FTCD: variants seen among roughly 807,000 people sequenced by gnomAD.
The protein encoded by FTCD is formimidoyltransferase-cyclodeaminase.
A neutral mutation model predicts 62.9 loss-of-function variants in FTCD; 76 were observed. The ratio of observed to expected loss-of-function variants is 1.21; its 90% confidence interval spans 1.00 to 1.46. The LOEUF is 1.46. Ranked by LOEUF, FTCD falls within the 40% of genes most tolerant of loss-of-function variation. The pLI is 0.00. For missense variants in FTCD, 845 were observed against 751.3 expected (o/e 1.12, Z -1.46); for synonymous variants, 397 against 336.9 (o/e 1.18, Z -1.95).
In FTCD at chr21:46,138,657, C is replaced by T. The variant is rs761525982; in HGVS notation, c.1305-11G>A. 1.9e-6 allele frequency: 3 copies of T among 1,596,202 alleles called. No homozygotes were observed. The highest frequency in any genetic ancestry group is 2.5e-6 in the Non-Finnish European group (3 of 1,178,066). ...AGGGCCGCCGTGCGCCTGAAAGGAG[C>T]AAGAGGAGAGCCTGAGCACAGCGGC... On this transcript the variant is annotated splice_polypyrimidine_tract_variant and intron_variant, in intron 11 of 13. Transcript: ENST00000397746.
intron 3 of FTCD, chr21:46,152,211 C>T (rs767098800): frequency 6.7e-5 from 35 of 522,036 alleles, no homozygotes; most frequent in Admixed American, 3.9e-4. Flanking sequence ...CCTGAAAAGG[C>T]GAATTGCAGG....
intron 3 of FTCD, 199 bp from the exon 4 acceptor site, chr21:46,152,179 G>C (rs2079305751): frequency 1.8e-6 from 1 of 548,986 alleles, no homozygotes; most frequent in African/African-American, 1.9e-5. Flanking sequence ...CAGCACCCCT[G>C]CCCACCCCCT....
intron 13 of FTCD, 35 bp from the exon 14 acceptor site, chr21:46,137,108 C>T (rs749904343): frequency 6.2e-7 from 1 of 1,613,260 alleles, no homozygotes; most frequent in Non-Finnish European, 8.5e-7. Context: ...TCTGGTAGTT[C>T]CAGTCTTCAG....
chr21:46,153,680 G>A (rs370224732), intron 2 of FTCD, among the ~76,000 whole-genome samples: 39 of 152,224 alleles, frequency 2.6e-4, no homozygotes, highest in African/African-American at 8.0e-4. Flanking sequence ...TCTCATGAGC[G>A]GCCCACAGCC....
rs534731896 is a variant in FTCD, at chr21:46,146,046, G to A, written c.969-99C>T. ...AGGCCCCACGCCCGTCTGCACCCACGGGGAGGTGACCACTCGGCTGAGAAC... is the reference window on the plus strand; with the variant it reads ...AGGCCCCACGCCCGTCTGCACCCACAGGGAGGTGACCACTCGGCTGAGAAC... On this transcript the variant is annotated intron_variant, in intron 8 of 13. Transcript: ENST00000397746. The A allele has an allele frequency of 1.1e-3, 855 of 787,462 alleles. 5 individuals are homozygous for A. The African/African-American group carries it at 0.011, about 10-fold the overall frequency. The allele number at this position is 787,462 out of a possible 1,614,324, so 48.8% of individuals were successfully genotyped here.
Position 46,138,547 on chromosome 21 carries a change from C to A in FTCD, c.1404G>T (p.Leu468=). ...VASLWPALQE[L]ARCGNLACRS... is the part of the protein sequence containing the mutation. Reference sequence around the variant, plus strand: ...GGCAGGCCAGGTTCCCACACCGGGCCAGTTCCTGCAGGGCCGGCCACAGCG... The same window carrying A: ...GGCAGGCCAGGTTCCCACACCGGGCAAGTTCCTGCAGGGCCGGCCACAGCG... The change falls in exon 12 of 14, where the codon CTG becomes CTT. Residue 468 remains leucine (L), a synonymous_variant. Coordinates refer to ENST00000397746, the MANE Select transcript of FTCD (RefSeq NM_206965.2). 1 of 1,586,986 alleles carries A rather than the reference C, an allele frequency of 6.3e-7. No homozygotes were observed. The highest frequency in any genetic ancestry group is 2.3e-5 in the East Asian group (1 of 44,274).
intron 7 of FTCD, 157 bp from the exon 8 acceptor site, chr21:46,146,484 C>A (rs998562951): frequency 6.3e-6 from 4 of 638,458 alleles, no homozygotes; most frequent in African/African-American, 1.8e-5. Flanking sequence ...TGGCACCCCC[C>A]ACCTCTGCCC....
chr21:46,141,207 G>A (rs2078997905), intron 10 of FTCD, among the ~76,000 whole-genome samples: 1 of 152,068 alleles, frequency 6.6e-6, no homozygotes, highest in Non-Finnish European at 1.5e-5. Flanking sequence ...GTGCAATCAC[G>A]ACTCACTGCA....
Position 46,151,692 on chromosome 21 carries a change from C to G in FTCD, c.502G>C (p.Val168Leu), listed in dbSNP as rs1175511646. 6.2e-7 allele frequency: 1 copy of G among 1,612,882 alleles called. No homozygotes were observed. Among genetic ancestry groups the G allele is most frequent in the African/African-American group, 1.3e-5 (1 of 74,936 alleles). Residue 168 changes from valine (V) to leucine (L), a missense_variant, in exon 5 of 14, where the codon GTC becomes CTC. Physicochemically the swap from Val to Leu is conservative, Grantham distance 32. Coordinates refer to ENST00000397746, the MANE Select transcript of FTCD (RefSeq NM_206965.2). The stretch of plus-strand genomic sequence containing the variant: ...GTGGCCGTGGCCCCCCAACTGGGGA[C>G]AAAGGAGCTGGGACCAAAGTCGGGC... ...WAPDFGPSSF[V>L]PSWGATATGA...
intron 12 of FTCD, 103 bp from the exon 13 acceptor site, chr21:46,137,437 C>A: frequency 1.1e-6 from 1 of 904,410 alleles, no homozygotes; most frequent in East Asian, 2.4e-5. Context: ...ACTTCGTCCT[C>A]CTCCTCACAA....
intron 2 of FTCD, among the ~76,000 whole-genome samples, chr21:46,153,696 C>T (rs1458750576): frequency 6.6e-6 from 1 of 152,260 alleles, no homozygotes; most frequent in Non-Finnish European, 1.5e-5. Context: ...CAGCCCAGCC[C>T]CTGGCCAGCG....
intron 7 of FTCD, among the ~76,000 whole-genome samples, chr21:46,148,039 C>T (rs1234610272): frequency 1.3e-5 from 2 of 152,038 alleles, no homozygotes; most frequent in East Asian, 1.9e-4. Flanking sequence ...GAAGCGACAG[C>T]TGCTGCTTAG....
rs771709851 is a variant in FTCD, at chr21:46,150,540, C to T, written c.637-15G>A. ...AGACGTCCTGGCTGCAAAGGAAGAG[C>T]GTTCCCCAGCCTGGACTAGGAAGCT... On this transcript the variant is annotated splice_polypyrimidine_tract_variant and intron_variant, in intron 5 of 13. Transcript: ENST00000397746. 2 of 1,612,852 alleles carry T rather than the reference C, an allele frequency of 1.2e-6. No individual in the cohort carries two copies. Among genetic ancestry groups the T allele is most frequent in the Middle Eastern group, 1.7e-4 (1 of 6,060 alleles).
intron 2 of FTCD, 38 bp downstream of exon 2, chr21:46,154,111 T>C (rs1285515372): frequency 8.1e-6 from 13 of 1,604,152 alleles, no homozygotes; most frequent in Non-Finnish European, 1.1e-5. Flanking sequence ...CCTGACATTC[T>C]GAGACACGGC....
At chr21:46,150,754 G>A (rs570027281) in intron 5 of FTCD, among the ~76,000 whole-genome samples, 7 of 152,324 alleles carry the variant, frequency 4.6e-5, no homozygotes, top group South Asian at 2.1e-4. Flanking sequence ...GGCCCACCCC[G>A]GCAGGCCCCC....
chr21:46,151,666 C>T lies in FTCD; in HGVS notation c.528G>A (p.Thr176=), dbSNP rs369544540. 2.1e-5 allele frequency: 34 copies of T among 1,612,896 alleles called. No individual in the cohort carries two copies. Among genetic ancestry groups the T allele is most frequent in the Admixed American group, 6.7e-5 (4 of 60,012 alleles). The change falls in exon 5 of 14, where the codon ACG becomes ACA. Residue 176 remains threonine (T), a synonymous_variant. Transcript: ENST00000397746. ...SFVPSWGATA[T]GARKFLIAFN... ...AAGCAATGAGGAACTTCCTCGCCCC[C>T]GTGGCCGTGGCCCCCCAACTGGGGA...
intron 2 of FTCD, among the ~76,000 whole-genome samples, 195 bp downstream of exon 2, chr21:46,153,954 G>A (rs953286418): frequency 2.6e-5 from 4 of 152,134 alleles, no homozygotes; most frequent in Non-Finnish European, 5.9e-5. Flanking sequence ...GTCCCCCAGA[G>A]CACAGCCCTG....
chr21:46,141,717 A>T (rs1357018728), intron 10 of FTCD, among the ~76,000 whole-genome samples: 1 of 101,186 alleles, frequency 9.9e-6, no homozygotes, highest in Non-Finnish European at 2.1e-5. Context: ...CTCCCCTATT[A>T]AAAAAAAAAA....
intron 10 of FTCD, 147 bp from the exon 11 acceptor site, chr21:46,139,070 T>C: frequency 1.4e-6 from 1 of 711,524 alleles, no homozygotes; most frequent in Non-Finnish European, 2.6e-6. Flanking sequence ...GCCAGTGGTT[T>C]ATAGCCCTTA....
Sources: gnomAD v4.1 joint callset for allele counts (sites outside exome capture counted in the v4.1 genomes callset) on GRCh38, gnomAD v4.1.1 for gene constraint, MANE v1.5 for transcripts, NCBI Gene and HGNC (gene_info 2026-07-23, HGNC 2026-07-21) for gene names.